The following GALNTL6 variants were observed in gnomAD, a reference collection of about 807,000 sequenced individuals.
The protein encoded by GALNTL6 is polypeptide N-acetylgalactosaminyltransferase-like 6.
In GALNTL6, 46 loss-of-function variants were observed where a neutral mutation model predicts 73.7. The ratio of observed to expected loss-of-function variants is 0.62; its 90% CI spans 0.49 to 0.80. GALNTL6 has a LOEUF of 0.80. Ranked by LOEUF, GALNTL6 falls within the 30% of genes least tolerant of loss-of-function variation. The pLI is 0.00. For missense variants in GALNTL6, 604 were observed against 755.0 expected, an observed-to-expected ratio of 0.80 and a Z score of 2.34; for synonymous variants, 259 against 263.7, an observed-to-expected ratio of 0.98 and a Z score of 0.17.
intron 11 of GALNTL6, among the ~76,000 whole-genome samples, chr4:173,013,135 G>T (rs1041249138): frequency 6.6e-6 from 1 of 152,176 alleles, no homozygotes; most frequent in African/African-American, 2.4e-5. Flanking sequence ...TAAGCTCCAT[G>T]GGGATGTTAC....
chr4:172,474,094 T>C (rs746457251), intron 5 of GALNTL6, among the ~76,000 whole-genome samples: 13 of 152,166 alleles, frequency 8.5e-5, no homozygotes, highest in Non-Finnish European at 1.6e-4. Flanking sequence ...TACTCGTTGT[T>C]CCTTGGATGA....
intron 8 of GALNTL6, among the ~76,000 whole-genome samples, chr4:172,891,632 T>G (rs1301322790): frequency 2.0e-5 from 3 of 152,208 alleles, no homozygotes; most frequent in Admixed American, 6.5e-5. Context: ...GGTCATCTTG[T>G]ATAGTATCTT....
intron 10 of GALNTL6, among the ~76,000 whole-genome samples, chr4:173,005,976 A>C (rs1464658660): frequency 6.6e-6 from 1 of 152,168 alleles, no homozygotes; most frequent in Non-Finnish European, 1.5e-5. Flanking sequence ...CATAACATTT[A>C]AAAACAAAAC....
intron 2 of GALNTL6, among the ~76,000 whole-genome samples, chr4:172,148,499 A>T (rs796952186): frequency 2.0e-5 from 3 of 152,338 alleles, no homozygotes; most frequent in African/African-American, 7.2e-5. Flanking sequence ...AATGGTACTG[A>T]ATAAAAGAGA....
At chr4:171,950,482 C>CTTTT (rs149650644) in intron 2 of GALNTL6, among the ~76,000 whole-genome samples, 75 of 141,434 alleles carry the variant, frequency 5.3e-4, no homozygotes, top group African/African-American at 1.9e-3. Flanking sequence ...CTTTTCTTTT[C>CTTTT]TTTTTTTTTT....
At chr4:172,218,243 C>T (rs1736557446) in intron 2 of GALNTL6, among the ~76,000 whole-genome samples, 1 of 152,100 alleles carries the variant, frequency 6.6e-6, no homozygotes, top group Admixed American at 6.6e-5. Context: ...AATGACCTTT[C>T]CCCAACTTGG....
intron 3 of GALNTL6, among the ~76,000 whole-genome samples, chr4:172,237,285 C>T (rs1737275223): frequency 6.6e-6 from 1 of 152,144 alleles, no homozygotes; most frequent in African/African-American, 2.4e-5. Flanking sequence ...TTTGGGTAAT[C>T]TCCAAAATTC....
chr4:172,287,041 T>C (rs1007115651), intron 3 of GALNTL6, among the ~76,000 whole-genome samples: 3 of 152,170 alleles, frequency 2.0e-5, no homozygotes, highest in Admixed American at 6.5e-5. Flanking sequence ...AGAATCATCG[T>C]TGAGGGTATC....
chr4:172,039,367 G>A lies in GALNTL6; in HGVS notation c.139-190289G>A, dbSNP rs1579080611. Among the ~76,000 whole-genome samples the A allele has an allele frequency of 2.0e-5, 3 of 152,298 alleles. No homozygotes were observed. In the East Asian group the frequency reaches 5.8e-4, roughly 29 times the overall value. On this transcript the variant is annotated intron_variant, in intron 2 of 12. Transcript: ENST00000506823. ...GACAGAAGCTGAGAAGCTTTTTAAA[G>A]AGGAAGTCTTAAAAGTATAATGAGA... is the stretch of plus-strand genomic sequence containing the variant.
intron 2 of GALNTL6, among the ~76,000 whole-genome samples, chr4:172,149,878 T>C (rs936079250): frequency 1.3e-5 from 2 of 152,154 alleles, no homozygotes; most frequent in Admixed American, 1.3e-4. Flanking sequence ...ACAATTCCTC[T>C]TTTCCTTAAC....
chr4:172,014,309 G>A (rs969659168), intron 2 of GALNTL6, among the ~76,000 whole-genome samples: 1 of 151,840 alleles, frequency 6.6e-6, no homozygotes, highest in African/African-American at 2.4e-5. Context: ...TGTTCTCTGT[G>A]GTGGTTGTAC....
At chr4:171,964,052 G>A (rs1739312014) in intron 2 of GALNTL6, among the ~76,000 whole-genome samples, 1 of 152,202 alleles carries the variant, frequency 6.6e-6, no homozygotes, top group African/African-American at 2.4e-5. Context: ...ATCCTGTCTT[G>A]TAATGTAATC....
intron 5 of GALNTL6, among the ~76,000 whole-genome samples, chr4:172,758,598 T>C (rs964468415): frequency 1.3e-4 from 20 of 152,348 alleles, no homozygotes; most frequent in African/African-American, 4.8e-4. Context: ...TCAGTATATC[T>C]AAATTTGTTG....
At chr4:172,022,619 T>C (rs1741440698) in intron 2 of GALNTL6, among the ~76,000 whole-genome samples, 1 of 151,984 alleles carries the variant, frequency 6.6e-6, no homozygotes, top group Admixed American at 6.6e-5. Flanking sequence ...CTGTCATACC[T>C]TTCATCACTA....
intron 2 of GALNTL6, among the ~76,000 whole-genome samples, chr4:171,880,248 T>C (rs2110910023): frequency 6.6e-6 from 1 of 152,320 alleles, no homozygotes; most frequent in African/African-American, 2.4e-5. Flanking sequence ...GCTATGTTTA[T>C]TACTGTACTA....
At chr4:172,366,242 T>C (rs554156663) in intron 5 of GALNTL6, among the ~76,000 whole-genome samples, 1 of 152,152 alleles carries the variant, frequency 6.6e-6, no homozygotes, top group Non-Finnish European at 1.5e-5. Flanking sequence ...AAATCTGAAT[T>C]TCAGAAAAAA....
At chr4:171,865,889 T>C (rs1193619323) in intron 2 of GALNTL6, among the ~76,000 whole-genome samples, 1 of 152,194 alleles carries the variant, frequency 6.6e-6, no homozygotes, top group Non-Finnish European at 1.5e-5. Context: ...CATTTCATGA[T>C]TGTGTTCTGT....
intron 5 of GALNTL6, among the ~76,000 whole-genome samples, chr4:172,389,609 G>A (rs1030310632): frequency 6.6e-6 from 1 of 152,062 alleles, no homozygotes. Context: ...TCAGTGTATT[G>A]GCTGCATCTG....
At chr4:171,940,820 AAAAT>A (rs372040035) in intron 2 of GALNTL6, among the ~76,000 whole-genome samples, 154 of 83,240 alleles carry the variant, frequency 1.9e-3, no homozygotes, top group South Asian at 4.5e-3. Context: ...TCCATCTCAG[AAAAT>A]AAATAAATAA....
Sources: gnomAD v4.1 joint callset for allele counts (sites outside exome capture counted in the v4.1 genomes callset) on GRCh38, gnomAD v4.1.1 for gene constraint, MANE v1.5 for transcripts, NCBI Gene and HGNC (gene_info 2026-07-23, HGNC 2026-07-21) for gene names.